Variants in CLIP2 observed in about 807,000 individuals in gnomAD.
CLIP2 encodes CAP-Gly domain containing linker protein 2, also known as CAP-Gly domain-containing linker protein 2.
In CLIP2, 41 loss-of-function variants were observed where a neutral mutation model predicts 111.7. The observed-to-expected ratio is 0.37, with a 90% CI of 0.29 to 0.48. The LOEUF (loss-of-function observed/expected upper bound fraction) is 0.48. Among genes scored for constraint, CLIP2 ranks in the 20% least tolerant of loss-of-function variants. The probability of loss-of-function intolerance (pLI) is 0.99; values close to 1 mark genes in which losing one functional copy is unlikely to be tolerated. For synonymous variants in CLIP2, 660 were observed against 644.2 expected, an observed-to-expected ratio of 1.02 and a Z score of -0.37; for missense variants, 1,160 against 1,422.1, an observed-to-expected ratio of 0.82 and a Z score of 2.96.
chr7:74,326,512 AG>A (rs1789110159), intron 2 of CLIP2, among the ~76,000 whole-genome samples: 2 of 152,144 alleles, frequency 1.3e-5, no homozygotes, highest in Admixed American at 6.6e-5. Context: ...CAGGAGATTG[AG>A]GACAAGTATG....
rs1172693860 is a variant in CLIP2 at position 74,338,445 on chromosome 7, C to T, written c.122-3C>T. 4 of 1,611,642 alleles carry T rather than the reference C, an allele frequency of 2.5e-6. No individual in the cohort carries two copies. The highest frequency in any genetic ancestry group is 2.7e-5 in the African/African-American group (2 of 74,896). ...CTTTCCCTTTCCCTCTCCTTCTCTGCAGGCTCCCCACTGCACAAACAGTCA... is the reference window on the plus strand; with the variant it reads ...CTTTCCCTTTCCCTCTCCTTCTCTGTAGGCTCCCCACTGCACAAACAGTCA... On this transcript the variant is annotated splice_polypyrimidine_tract_variant and splice_region_variant and intron_variant, in intron 2 of 16. Coordinates refer to ENST00000223398, the MANE Select transcript of CLIP2 (RefSeq NM_003388.5). This position sits in a 1 kb window ranked among gnomAD's most constrained non-coding sequence, Gnocchi z 4.3.
chr7:74,349,719 T>C (rs567579986), intron 3 of CLIP2, among the ~76,000 whole-genome samples: 2 of 150,816 alleles, frequency 1.3e-5, no homozygotes, highest in South Asian at 2.1e-4. Context: ...GCCTCACAGG[T>C]TCTCCTGTCT....
chr7:74,360,754 T>A (rs1446938225), intron 7 of CLIP2, among the ~76,000 whole-genome samples: 1 of 152,090 alleles, frequency 6.6e-6, no homozygotes, highest in Non-Finnish European at 1.5e-5. Context: ...TTTTGGCACA[T>A]TGGCCAGGCT....
chr7:74,405,544 C>T lies in CLIP2; in HGVS notation c.*1696C>T, dbSNP rs1267676715. 6.5e-6 allele frequency: 1 copy of T among 152,870 alleles called. No individual in the cohort carries two copies. Among genetic ancestry groups the T allele is most frequent in the East Asian group, 1.9e-4 (1 of 5,194 alleles). 9.5% of individuals were successfully genotyped at this position (152,870 alleles called of 1,614,324 possible). ...CAGTCCCTGTTGGCTTTCGGTAGCTCTCGCATGCAGTTCTATTAACAGCCG... is the reference window on the plus strand; with the variant it reads ...CAGTCCCTGTTGGCTTTCGGTAGCTTTCGCATGCAGTTCTATTAACAGCCG... On this transcript the variant is annotated 3_prime_UTR_variant, in exon 17 of 17. Coordinates refer to ENST00000223398, the MANE Select transcript of CLIP2 (RefSeq NM_003388.5).
At chr7:74,362,368 C>T (rs988349700) in intron 7 of CLIP2, among the ~76,000 whole-genome samples, 18 of 152,140 alleles carry the variant, frequency 1.2e-4, no homozygotes, top group Admixed American at 9.8e-4. Context: ...TGTGGGCTTT[C>T]AGCTGGCACC....
At chr7:74,317,789 A>T (rs1408698526) in intron 2 of CLIP2, 122 bp downstream of exon 2, 3 of 1,209,446 alleles carry the variant, frequency 2.5e-6, no homozygotes, top group African/African-American at 3.1e-5. Flanking sequence ...GCTGAGTGTC[A>T]TGAGCTCCTG....
chr7:74,294,309 T>C (rs1429374164), intron 1 of CLIP2, among the ~76,000 whole-genome samples: 2 of 152,204 alleles, frequency 1.3e-5, no homozygotes, highest in East Asian at 1.9e-4. Flanking sequence ...ACAAAACTCA[T>C]GTTTGCAGAG....
chr7:74,386,032 T>G (rs1281866420), intron 11 of CLIP2, among the ~76,000 whole-genome samples: 2 of 140,896 alleles, frequency 1.4e-5, no homozygotes, highest in African/African-American at 5.3e-5. Context: ...ATGAGCCACC[T>G]CGCCCAGCCT....
At chr7:74,294,316 A>G (rs1261093539) in intron 1 of CLIP2, among the ~76,000 whole-genome samples, 2 of 152,222 alleles carry the variant, frequency 1.3e-5, no homozygotes, top group Admixed American at 6.5e-5. Flanking sequence ...TCATGTTTGC[A>G]GAGGAAATGC....
chr7:74,362,424 G>A (rs1438420269), intron 7 of CLIP2, among the ~76,000 whole-genome samples: 1 of 152,016 alleles, frequency 6.6e-6, no homozygotes, highest in Non-Finnish European at 1.5e-5. Context: ...GGAGATGAGG[G>A]TGTATTTATA....
At position 74,376,497 on chromosome 7, in the gene CLIP2, T is replaced by C; in HGVS notation, c.2096T>C (p.Leu699Pro). Residue 699 changes from leucine to proline, a missense_variant, in exon 10 of 17, where the codon CTG becomes CCG. Coordinates refer to ENST00000223398, the MANE Select transcript of CLIP2 (RefSeq NM_003388.5). The surrounding 1 kb of genome is among the most constrained non-coding windows in gnomAD (Gnocchi z 7.1). ...GAGGCCCAGGAGGAGCTGGCTGGGC[T>C]GCAGCGGCACTGGCGGGCCCAGCTG... ...LQEAQEELAG[L>P]QRHWRAQLEV... is the part of the protein sequence containing the mutation. 6.2e-7 allele frequency: 1 copy of C among 1,611,762 alleles called. No individual in the cohort carries two copies. The highest frequency in any genetic ancestry group is 8.5e-7 in the Non-Finnish European group (1 of 1,179,366).
chr7:74,340,717 T>TG (rs1240849031), intron 3 of CLIP2, among the ~76,000 whole-genome samples: 1 of 152,156 alleles, frequency 6.6e-6, no homozygotes, highest in East Asian at 1.9e-4. Flanking sequence ...GGGCTAACCC[T>TG]GCACCTGGGA....
chr7:74,301,910 A>G (rs1788348709), intron 1 of CLIP2, among the ~76,000 whole-genome samples: 2 of 151,310 alleles, frequency 1.3e-5, no homozygotes, highest in South Asian at 4.2e-4. Context: ...ATGGGGTTAC[A>G]CCATGTTGGC....
Position 74,364,239 on chromosome 7 carries a change from T to C in CLIP2, c.1320-16T>C. The C allele has an allele frequency of 2.5e-6, 4 of 1,611,334 alleles. No homozygotes were observed. The highest frequency in any genetic ancestry group is 3.4e-6 in the Non-Finnish European group (4 of 1,178,774). ...TGGGCAAAGCCAGGTCAGCCACCTC[T>C]TTCCCTCCCCTGCAGGAAGGTGGAG... On this transcript the variant is annotated splice_polypyrimidine_tract_variant and intron_variant, in intron 7 of 16. Transcript: ENST00000223398.
At chr7:74,329,550 ATTG>A (rs1269009340) in intron 2 of CLIP2, among the ~76,000 whole-genome samples, 16 of 151,814 alleles carry the variant, frequency 1.1e-4, no homozygotes, top group Non-Finnish European at 1.8e-4. Flanking sequence ...TGGAGGTTAA[ATTG>A]TTTGTTTGTT....
intron 1 of CLIP2, among the ~76,000 whole-genome samples, chr7:74,302,679 C>T (rs1175768518): frequency 6.6e-6 from 1 of 152,220 alleles, no homozygotes; most frequent in Non-Finnish European, 1.5e-5. Flanking sequence ...AGCCCAGGAG[C>T]CCAGAGCCCT....
At chr7:74,392,412 G>A (rs1791318385) in intron 13 of CLIP2, among the ~76,000 whole-genome samples, 1 of 151,894 alleles carries the variant, frequency 6.6e-6, no homozygotes, top group Non-Finnish European at 1.5e-5. Context: ...CACGCCTGTG[G>A]GTCCCAGCTA....
intron 10 of CLIP2, chr7:74,379,987 C>T (rs1212500920): frequency 2.0e-5 from 3 of 152,138 alleles, no homozygotes; most frequent in Admixed American, 6.6e-5. Context: ...AGCCTCATTA[C>T]TGCATCGTAT....
chr7:74,349,600 G>T (rs936656086), intron 3 of CLIP2, among the ~76,000 whole-genome samples: 1 of 149,876 alleles, frequency 6.7e-6, no homozygotes, highest in African/African-American at 2.4e-5. Flanking sequence ...AAAGAAGCCA[G>T]ACACAAATGG....
Sources: gnomAD v4.1 joint callset for allele counts (sites outside exome capture counted in the v4.1 genomes callset) on GRCh38, gnomAD v4.1.1 for gene constraint, Gnocchi (gnomAD v3.1) non-coding constraint, MANE v1.5 for transcripts, NCBI Gene and HGNC (gene_info 2026-07-23, HGNC 2026-07-21) for gene names.